Variants in PTPRK observed in about 807,000 individuals in gnomAD.
The protein encoded by PTPRK is receptor-type tyrosine-protein phosphatase kappa.
PTPRK carries 75 observed loss-of-function variants against 178.0 expected under a neutral mutation model. That is an observed-to-expected ratio of 0.42 (90% CI 0.35 to 0.51). PTPRK has a LOEUF of 0.51. Among genes scored for constraint, PTPRK ranks in the 20% least tolerant of loss-of-function variants. The pLI is 0.02. For missense variants in PTPRK, 1,441 were observed against 1,797.8 expected, an observed-to-expected ratio of 0.80 and a Z score of 3.59; for synonymous variants, 637 against 620.6, an observed-to-expected ratio of 1.03 and a Z score of -0.39.
intron 7 of PTPRK, among the ~76,000 whole-genome samples, chr6:128,096,135 T>C (rs1372884990): frequency 6.6e-6 from 1 of 152,166 alleles, no homozygotes; most frequent in African/African-American, 2.4e-5. Context: ...AGCAGGTAAA[T>C]AAAGAAGTAA....
intron 3 of PTPRK, among the ~76,000 whole-genome samples, chr6:128,312,415 G>A (rs1486543443): frequency 6.6e-6 from 1 of 152,146 alleles, no homozygotes; most frequent in Non-Finnish European, 1.5e-5. Context: ...TGGGGGAGTA[G>A]AAGTGAGAAA....
rs376061714 is a variant in PTPRK, at chr6:128,112,895, A to C, written c.1163-22903T>G. Among the ~76,000 whole-genome samples the C allele has an allele frequency of 1.8e-4, 27 of 152,200 alleles. No individual in the cohort carries two copies. The East Asian group carries it at 4.8e-3, about 27-fold the overall frequency. On this transcript the variant is annotated intron_variant, in intron 7 of 29. Coordinates refer to ENST00000368226, the MANE Select transcript of PTPRK (RefSeq NM_002844.4). Reference sequence around the variant, plus strand: ...CAGGCAACTCAAACTCATGTCGGTAACTGAATTCATCTTTCCTATCTCTTT... The same window carrying C: ...CAGGCAACTCAAACTCATGTCGGTACCTGAATTCATCTTTCCTATCTCTTT...
chr6:128,343,448 C>T (rs1831956068), intron 2 of PTPRK, among the ~76,000 whole-genome samples: 1 of 144,586 alleles, frequency 6.9e-6, no homozygotes, highest in Admixed American at 7.0e-5. Flanking sequence ...TGCAGTGAGC[C>T]AAGATCGCAC....
chr6:128,238,924 G>A (rs1287466962), intron 5 of PTPRK, among the ~76,000 whole-genome samples: 1 of 152,012 alleles, frequency 6.6e-6, no homozygotes, highest in Non-Finnish European at 1.5e-5. Context: ...TGGAATGCTG[G>A]AAGAACTTGA....
At chr6:128,404,714 C>T (rs1841453166) in intron 1 of PTPRK, among the ~76,000 whole-genome samples, 1 of 152,068 alleles carries the variant, frequency 6.6e-6, no homozygotes, top group Admixed American at 6.6e-5. Flanking sequence ...TAATTACATG[C>T]CAAATACCCA....
intron 6 of PTPRK, among the ~76,000 whole-genome samples, chr6:128,189,133 G>A (rs906200192): frequency 1.3e-5 from 2 of 151,722 alleles, no homozygotes; most frequent in African/African-American, 2.4e-5. Flanking sequence ...GGAAGCTTGT[G>A]AGCAGAAAAC....
chr6:128,354,917 G>A (rs1232582555), intron 2 of PTPRK, among the ~76,000 whole-genome samples: 8 of 152,182 alleles, frequency 5.3e-5, no homozygotes, highest in African/African-American at 1.7e-4. Context: ...TCAGGCTGAA[G>A]TAATTACATG....
intron 13 of PTPRK, among the ~76,000 whole-genome samples, chr6:128,011,520 G>A (rs989415983): frequency 3.3e-5 from 5 of 151,032 alleles, no homozygotes; most frequent in Admixed American, 6.6e-5. Flanking sequence ...CTTCAGAGCT[G>A]CTAATCCCTA....
intron 7 of PTPRK, among the ~76,000 whole-genome samples, chr6:128,097,920 A>C (rs1294516944): frequency 6.6e-6 from 1 of 152,148 alleles, no homozygotes; most frequent in Non-Finnish European, 1.5e-5. Flanking sequence ...AATATGGAAA[A>C]CACTGCTTCA....
At chr6:128,358,740 CG>C (rs1245142948) in intron 2 of PTPRK, among the ~76,000 whole-genome samples, 1 of 152,134 alleles carries the variant, frequency 6.6e-6, no homozygotes, top group Non-Finnish European at 1.5e-5. Flanking sequence ...AACCCTTGCT[CG>C]GCTGAATGAC....
chr6:128,495,963 A>T (rs1854597120), intron 1 of PTPRK, among the ~76,000 whole-genome samples: 1 of 152,172 alleles, frequency 6.6e-6, no homozygotes, highest in Non-Finnish European at 1.5e-5. Flanking sequence ...AGCTTTCCTA[A>T]TGTCAAAATT....
At chr6:128,219,168 C>G in intron 5 of PTPRK, 72 bp from the exon 6 acceptor site, 1 of 1,337,452 alleles carries the variant, frequency 7.5e-7, no homozygotes, top group Non-Finnish European at 1.0e-6. Context: ...TCTTAGCAAG[C>G]AATATCTGTG....
At chr6:127,988,998 G>T (rs1776279643) in intron 21 of PTPRK, among the ~76,000 whole-genome samples, 1 of 151,990 alleles carries the variant, frequency 6.6e-6, no homozygotes. Context: ...TATAATTTTA[G>T]TTTTGAGGAA....
chr6:128,217,394 A>G (rs904496322), intron 6 of PTPRK, among the ~76,000 whole-genome samples: 2 of 152,282 alleles, frequency 1.3e-5, no homozygotes, highest in East Asian at 1.9e-4. Context: ...TAAAGTTTAC[A>G]AGAGGTTGAT....
At chr6:128,209,041 C>A (rs1326900488) in intron 6 of PTPRK, among the ~76,000 whole-genome samples, 3 of 152,044 alleles carry the variant, frequency 2.0e-5, no homozygotes, top group Non-Finnish European at 4.4e-5. Context: ...ACATTGCTGC[C>A]TAATCTCTCA....
chr6:128,159,430 T>G (rs974652077), intron 7 of PTPRK, among the ~76,000 whole-genome samples: 10 of 151,860 alleles, frequency 6.6e-5, no homozygotes, highest in South Asian at 2.1e-4. Context: ...AACCTATCAA[T>G]GAGGTTTCAT....
At position 128,268,330 on chromosome 6, in the gene PTPRK, T is replaced by G. The variant is rs538313638; in HGVS notation, c.496-25728A>C. On this transcript the variant is annotated intron_variant, in intron 3 of 29. Transcript: ENST00000368226. Reference sequence around the variant, plus strand: ...TTAAATTGATGGTGATGACTTAAATTAACTCACATTTGTCACTAAACTCCA... The same window carrying G: ...TTAAATTGATGGTGATGACTTAAATGAACTCACATTTGTCACTAAACTCCA... Among the ~76,000 whole-genome samples, 311 of 152,100 alleles carry G rather than the reference T, an allele frequency of 2.0e-3. 2 individuals carry two copies. Among genetic ancestry groups the G allele is most frequent in the Non-Finnish European group, 3.2e-3 (215 of 67,928 alleles).
intron 21 of PTPRK, among the ~76,000 whole-genome samples, chr6:127,986,632 T>C (rs568761893): frequency 7.6e-4 from 116 of 152,174 alleles, no homozygotes; most frequent in Non-Finnish European, 1.3e-3. Context: ...AAGGTATAGA[T>C]GAAATATTGC....
chr6:128,468,418 C>T (rs1850175586), intron 1 of PTPRK, among the ~76,000 whole-genome samples: 1 of 151,840 alleles, frequency 6.6e-6, no homozygotes, highest in African/African-American at 2.4e-5. Flanking sequence ...TTAGGGCCTT[C>T]ATTTAAGAGC....
Sources: gnomAD v4.1 joint callset for allele counts (sites outside exome capture counted in the v4.1 genomes callset) on GRCh38, gnomAD v4.1.1 for gene constraint, MANE v1.5 for transcripts, NCBI Gene and HGNC (gene_info 2026-07-23, HGNC 2026-07-21) for gene names.